The following FAM120B variants were observed in gnomAD, a reference collection of about 807,000 sequenced individuals.
The protein encoded by FAM120B is constitutive coactivator of peroxisome proliferator-activated receptor gamma.
Under a neutral mutation model 96.3 loss-of-function variants are expected in FAM120B, and 83 were observed. The observed-to-expected ratio is 0.86, with a 90% CI of 0.72 to 1.03. FAM120B has a LOEUF of 1.03. FAM120B is among the 50% of genes least tolerant of loss of function. The pLI is 0.00. For missense variants in FAM120B, 1,027 were observed against 1,121.2 expected (o/e 0.92, Z 1.20); for synonymous variants, 407 against 402.7 (o/e 1.01, Z -0.13).
intron 1 of FAM120B, among the ~76,000 whole-genome samples, chr6:170,312,367 A>G (rs1784642822): frequency 1.3e-5 from 2 of 152,186 alleles, no homozygotes; most frequent in Admixed American, 1.3e-4. Flanking sequence ...AAAATTTGTG[A>G]TAATTTAAGA....
intron 1 of FAM120B, among the ~76,000 whole-genome samples, chr6:170,313,424 A>T (rs1232144404): frequency 2.0e-5 from 3 of 152,162 alleles, no homozygotes; most frequent in African/African-American, 7.2e-5. Context: ...TGAAAGAAAA[A>T]TTACTTTGTA....
At chr6:170,364,849 C>A (rs1446355918) in intron 6 of FAM120B, among the ~76,000 whole-genome samples, 2 of 152,206 alleles carry the variant, frequency 1.3e-5, no homozygotes, top group African/African-American at 4.8e-5. Context: ...CCTCTGTTAC[C>A]TGGAAATGCT....
At chr6:170,397,179 T>G (rs1778220981) in intron 9 of FAM120B, among the ~76,000 whole-genome samples, 1 of 152,164 alleles carries the variant, frequency 6.6e-6, no homozygotes, top group African/African-American at 2.4e-5. Flanking sequence ...GGTCTGGGCT[T>G]CTGAGTCTTT....
At chr6:170,376,887 C>T (rs191299954) in intron 6 of FAM120B, among the ~76,000 whole-genome samples, 3 of 152,184 alleles carry the variant, frequency 2.0e-5, no homozygotes, top group Admixed American at 6.5e-5. Flanking sequence ...CCGTGTAGAG[C>T]AAGCGGGGAA....
At chr6:170,341,113 C>A (rs753496192) in intron 4 of FAM120B, among the ~76,000 whole-genome samples, 1 of 152,250 alleles carries the variant, frequency 6.6e-6, no homozygotes, top group South Asian at 2.1e-4. Flanking sequence ...ACAGCAGCCC[C>A]CTTCCCCCAG....
intron 6 of FAM120B, among the ~76,000 whole-genome samples, chr6:170,379,319 G>A (rs1789767392): frequency 6.6e-6 from 1 of 152,186 alleles, no homozygotes; most frequent in Non-Finnish European, 1.5e-5. Flanking sequence ...ATTACAGTTG[G>A]AGAAGTCCTC....
intron 1 of FAM120B, among the ~76,000 whole-genome samples, chr6:170,310,543 G>A (rs1177273521): frequency 2.0e-5 from 3 of 152,198 alleles, no homozygotes; most frequent in Admixed American, 2.0e-4. Context: ...TGCCCTCCTT[G>A]TTAATTACTG....
chr6:170,380,618 G>A (rs977610550), intron 6 of FAM120B, among the ~76,000 whole-genome samples: 11 of 152,188 alleles, frequency 7.2e-5, no homozygotes, highest in South Asian at 2.1e-4. Flanking sequence ...GACACCTTGC[G>A]TATGCCTGCT....
At chr6:170,336,768 C>T (rs1786453474) in intron 4 of FAM120B, among the ~76,000 whole-genome samples, 1 of 151,974 alleles carries the variant, frequency 6.6e-6, no homozygotes, top group African/African-American at 2.4e-5. Context: ...AGTTGTATTC[C>T]TAGGTATTTT....
intron 4 of FAM120B, among the ~76,000 whole-genome samples, chr6:170,339,875 C>T (rs1170815826): frequency 6.6e-6 from 1 of 151,870 alleles, no homozygotes; most frequent in Non-Finnish European, 1.5e-5. Context: ...GTCTGATGGG[C>T]TTCCCTTTGT....
intron 6 of FAM120B, among the ~76,000 whole-genome samples, chr6:170,364,733 G>T (rs1025598947): frequency 6.6e-6 from 1 of 152,136 alleles, no homozygotes; most frequent in African/African-American, 2.4e-5. Flanking sequence ...ATGCCTGGGG[G>T]CCCTTCAGAG....
intron 2 of FAM120B, among the ~76,000 whole-genome samples, chr6:170,322,513 A>C (rs566311435): frequency 6.6e-6 from 1 of 152,318 alleles, no homozygotes; most frequent in South Asian, 2.1e-4. Context: ...AAGAGGATTG[A>C]GTACTCTTGA....
chr6:170,333,313 G>A lies in FAM120B; in HGVS notation c.2017+2763G>A, dbSNP rs1378733283. ...TTCTTCCGTGTGAAGGTGCCAATGT[G>A]CCATCTGTGAACCAGGAAGCGGGGC... On this transcript the variant is annotated intron_variant, in intron 4 of 10. Coordinates refer to ENST00000476287, the MANE Select transcript of FAM120B (RefSeq NM_032448.3). Among the ~76,000 whole-genome samples the A allele has an allele frequency of 2.6e-5, 4 of 152,048 alleles. No homozygotes were observed. In the South Asian group the frequency reaches 8.3e-4, roughly 32 times the overall value.
chr6:170,347,222 T>G (rs1787253363), intron 4 of FAM120B, among the ~76,000 whole-genome samples: 1 of 152,196 alleles, frequency 6.6e-6, no homozygotes, highest in African/African-American at 2.4e-5. Flanking sequence ...AAAGGGACAT[T>G]TAGATCCCAG....
chr6:170,319,097 C>A lies in FAM120B; in HGVS notation c.1707C>A (p.Thr569=), dbSNP rs1202842941. ...GGCCTGAAGTAAAGCAACAAGTAACCATGGTTTCAGACACTGAAATCTTAA... is the reference window on the plus strand; with the variant it reads ...GGCCTGAAGTAAAGCAACAAGTAACAATGGTTTCAGACACTGAAATCTTAA... ...NVGPEVKQQV[T]MVSDTEILKV... The change falls in exon 2 of 11, where the codon ACC becomes ACA. Residue 569 remains threonine (T), a synonymous_variant. Coordinates refer to ENST00000476287, the MANE Select transcript of FAM120B (RefSeq NM_032448.3). 3 of 1,576,852 alleles carry A rather than the reference C, an allele frequency of 1.9e-6. No homozygotes were observed. The highest frequency in any genetic ancestry group is 2.6e-6 in the Non-Finnish European group (3 of 1,164,790).
upstream of FAM120B, among the ~76,000 whole-genome samples, chr6:170,294,947 T>C (rs1052844108): frequency 6.6e-5 from 10 of 152,188 alleles, no homozygotes; most frequent in African/African-American, 2.4e-4. This position sits in a 1 kb window ranked among gnomAD's most constrained non-coding sequence, Gnocchi z 7.9. Context: ...GCAAATCTGG[T>C]GTTGATCAAA....
chr6:170,316,033 G>A (rs921712480), intron 1 of FAM120B, among the ~76,000 whole-genome samples: 1 of 122,568 alleles, frequency 8.2e-6, no homozygotes, highest in East Asian at 2.2e-4. Context: ...CACTCCAGAC[G>A]AGGCAACAGA....
At chr6:170,358,384 C>A in intron 6 of FAM120B, 66 bp downstream of exon 6, 1 of 1,130,110 alleles carries the variant, frequency 8.8e-7, no homozygotes, top group Non-Finnish European at 1.3e-6. Flanking sequence ...CTTCTCTTTC[C>A]CATTATAGTT....
intron 3 of FAM120B, among the ~76,000 whole-genome samples, chr6:170,328,498 A>G (rs766112012): frequency 2.6e-5 from 4 of 152,136 alleles, no homozygotes; most frequent in Non-Finnish European, 5.9e-5. Flanking sequence ...GTAGTTTCTG[A>G]TGAGACAGCA....
Sources: gnomAD v4.1 joint callset for allele counts (sites outside exome capture counted in the v4.1 genomes callset) on GRCh38, gnomAD v4.1.1 for gene constraint, Gnocchi (gnomAD v3.1) non-coding constraint, MANE v1.5 for transcripts, NCBI Gene and HGNC (gene_info 2026-07-23, HGNC 2026-07-21) for gene names.